Variants in HELB observed in about 807,000 individuals in gnomAD.
The protein encoded by HELB is DNA helicase B, also known as DNA 5'-3' helicase B.
A neutral mutation model predicts 101.7 loss-of-function variants in HELB; 96 were observed. The observed-to-expected ratio is 0.94, with a 90% CI of 0.80 to 1.12. The LOEUF is 1.12. Among genes scored for constraint, HELB ranks in the 50% most tolerant of loss-of-function variants. The probability of loss-of-function intolerance (pLI) is 0.00; values close to 1 mark genes in which losing one functional copy is unlikely to be tolerated. For synonymous variants in HELB, 437 were observed against 459.7 expected (o/e 0.95, Z 0.63); for missense variants, 1,210 against 1,291.9 (o/e 0.94, Z 0.97).
rs983442283 is a variant in HELB, at chr12:66,309,613, C to T, written c.778-93C>T. 151 of 803,722 alleles carry T rather than the reference C, an allele frequency of 1.9e-4. 1 individual carries two copies. The highest frequency in any genetic ancestry group is 2.8e-4 in the Non-Finnish European group (148 of 533,630). The allele number at this position is 803,722 out of a possible 1,614,324, so 49.8% of individuals were successfully genotyped here. Reference sequence around the variant, plus strand: ...ATTTTCTGTAAATTTTGTTGAAGTTCATGTCTTCTGGGATTTAAAAAATTA... The same window carrying T: ...ATTTTCTGTAAATTTTGTTGAAGTTTATGTCTTCTGGGATTTAAAAAATTA... On this transcript the variant is annotated intron_variant, in intron 3 of 12. Transcript: ENST00000247815.
At chr12:66,327,256 A>T (rs963942192) in intron 11 of HELB, among the ~76,000 whole-genome samples, 20 of 151,572 alleles carry the variant, frequency 1.3e-4, no homozygotes, top group Non-Finnish European at 2.4e-4. Flanking sequence ...AAAGTGTAAT[A>T]TTTCTGGCTC....
downstream of HELB, chr12:66,338,386 A>C: frequency 4.3e-6 from 1 of 233,028 alleles, no homozygotes; most frequent in Non-Finnish European, 8.3e-6. Flanking sequence ...TCATGCCTGT[A>C]ATCCCAGCAC....
At position 66,310,344 on chromosome 12, in the gene HELB, C is replaced by T; in HGVS notation, c.1416C>T (p.Val472=). Residue 472 remains valine (V), a synonymous_variant, in exon 4 of 13, where the codon GTC becomes GTT. Coordinates refer to ENST00000247815, the MANE Select transcript of HELB (RefSeq NM_001370285.1). ...TGATTTGCTCCAATCCTGTGACAGTCATAAGTGGGAAAGGTGGATGTGGGA... is the reference window on the plus strand; with the variant it reads ...TGATTTGCTCCAATCCTGTGACAGTTATAAGTGGGAAAGGTGGATGTGGGA... ...LEMICSNPVT[V]ISGKGGCGKT... 2.5e-6 allele frequency: 4 copies of T among 1,614,128 alleles called. No homozygotes were observed. Among genetic ancestry groups the T allele is most frequent in the Non-Finnish European group, 3.4e-6 (4 of 1,180,030 alleles).
At chr12:66,316,098 A>C (rs1324044927) in intron 6 of HELB, among the ~76,000 whole-genome samples, 1 of 152,188 alleles carries the variant, frequency 6.6e-6, no homozygotes, top group Non-Finnish European at 1.5e-5. Context: ...TTACATACAC[A>C]CAAATACTTA....
downstream of HELB, chr12:66,341,764 G>A (rs991498336): frequency 3.3e-5 from 5 of 152,120 alleles, no homozygotes; most frequent in African/African-American, 9.7e-5. Flanking sequence ...TTCTGGTGAT[G>A]GTGAGTTCTC....
intron 7 of HELB, among the ~76,000 whole-genome samples, chr12:66,319,490 G>T (rs1042246529): frequency 6.6e-6 from 1 of 152,184 alleles, no homozygotes; most frequent in African/African-American, 2.4e-5. Context: ...TCAGTTTGTT[G>T]TGACTAATAG....
rs531121442 is a variant in HELB, at chr12:66,324,613, T to G, written c.2527-370T>G. Reference sequence around the variant, plus strand: ...TATAGAAGTGGTTGCCTTGTATTTGTTCTCACAGTGTAGATACCCTCACTG... The same window carrying G: ...TATAGAAGTGGTTGCCTTGTATTTGGTCTCACAGTGTAGATACCCTCACTG... On this transcript the variant is annotated intron_variant, in intron 10 of 12. Coordinates refer to ENST00000247815, the MANE Select transcript of HELB (RefSeq NM_001370285.1). 6 of 264,456 alleles carry G rather than the reference T, an allele frequency of 2.3e-5. No individual in the cohort carries two copies. The South Asian group carries it at 3.1e-4, about 14-fold the overall frequency. The allele number at this position is 264,456 out of a possible 1,614,324, so 16.4% of individuals were successfully genotyped here.
At position 66,324,089 on chromosome 12, in the gene HELB, A is replaced by G. The variant is rs1287004582; in HGVS notation, c.2404A>G (p.Asn802Asp). ...LPENISGSQQ[N>D]NDLDASSEDF... Reference sequence around the variant, plus strand: ...TGAAAATATCTCTGGAAGTCAGCAAAATAATGATCTAGATGCCAGTAGTGA... The same window carrying G: ...TGAAAATATCTCTGGAAGTCAGCAAGATAATGATCTAGATGCCAGTAGTGA... The change falls in exon 10 of 13, where the codon AAT (asparagine) becomes GAT (aspartate). Residue 802 changes from asparagine to aspartate, a missense_variant. Asn to Asp is a conservative substitution (Grantham distance 23). Transcript: ENST00000247815. 4 of 1,613,700 alleles carry G rather than the reference A, an allele frequency of 2.5e-6. No homozygotes were observed. Among genetic ancestry groups the G allele is most frequent in the Non-Finnish European group, 3.4e-6 (4 of 1,179,794 alleles).
Position 66,314,016 on chromosome 12 carries a change from A to G in HELB, c.1711A>G (p.Thr571Ala). 6.2e-7 allele frequency: 1 copy of G among 1,613,882 alleles called. No individual in the cohort carries two copies. The highest frequency in any genetic ancestry group is 8.5e-7 in the Non-Finnish European group (1 of 1,179,800). Residue 571 changes from threonine (T) to alanine (A), a missense_variant, in exon 5 of 13, where the codon ACA (threonine) becomes GCA (alanine). By Grantham distance (58) the Thr-to-Ala change is moderately conservative (BLOSUM62 0). Coordinates refer to ENST00000247815, the MANE Select transcript of HELB (RefSeq NM_001370285.1). ...TTATAGCTTCTATTCATGGACTCAAACAATGATGACCACAAACAAACCATG... is the reference window on the plus strand; with the variant it reads ...TTATAGCTTCTATTCATGGACTCAAGCAATGATGACCACAAACAAACCATG... The part of the protein sequence containing the change: ...VNYSFYSWTQ[T>A]MMTTNKPWKF...
intron 11 of HELB, among the ~76,000 whole-genome samples, chr12:66,330,480 T>A (rs988754541): frequency 6.6e-6 from 1 of 151,312 alleles, no homozygotes; most frequent in African/African-American, 2.4e-5. Context: ...GTTCTTTTTT[T>A]ATATACTTGT....
intron 11 of HELB, among the ~76,000 whole-genome samples, chr12:66,329,811 T>G (rs1208485085): frequency 6.6e-6 from 1 of 152,170 alleles, no homozygotes; most frequent in Non-Finnish European, 1.5e-5. Context: ...CTAGGTTAGC[T>G]GAGTTTAGGT....
rs1474963728 is a variant in HELB, at chr12:66,309,875, A to G, written c.947A>G (p.Asn316Ser). ...GATGGGCACACATATGTTGAAGTGA[A>G]TGACTTAACTTTGACATTGTCAAAT... The part of the protein sequence containing the change: ...REDGHTYVEV[N>S]DLTLTLSNHM... Residue 316 changes from asparagine to serine, a missense_variant, in exon 4 of 13, where the codon AAT becomes AGT. Physicochemically the swap from Asn to Ser is conservative, Grantham distance 46. Around this residue, in one of 2 missense-constraint regions of HELB, gnomAD observed 470 missense variants for 563.1 expected, o/e 0.83. Transcript: ENST00000247815. The G allele has an allele frequency of 6.8e-6, 11 of 1,614,060 alleles. No homozygotes were observed. The highest frequency in any genetic ancestry group is 1.3e-5 in the African/African-American group (1 of 74,932).
chr12:66,318,844 T>C (rs1469438498), intron 7 of HELB, 52 bp downstream of exon 7: 4 of 1,382,626 alleles, frequency 2.9e-6, no homozygotes, highest in Non-Finnish European at 3.9e-6. Context: ...ATTTAAGTTT[T>C]GTAACATAGT....
At position 66,331,241 on chromosome 12, in the gene HELB, C is replaced by G; in HGVS notation, c.2758C>G (p.Arg920Gly). Reference sequence around the variant, plus strand: ...TGTCTACACCGCCGTGACCAGGGGCCGCTGCCGAGTGTATGTGATTGCAGA... The same window carrying G: ...TGTCTACACCGCCGTGACCAGGGGCGGCTGCCGAGTGTATGTGATTGCAGA... The part of the protein sequence containing the change: ...QHVYTAVTRG[R>G]CRVYVIAEES... The change falls in exon 12 of 13, where the codon CGC (arginine) becomes GGC (glycine). Residue 920 changes from arginine (R) to glycine (G), a missense_variant. By Grantham distance (125) the Arg-to-Gly change is moderately radical. Coordinates refer to ENST00000247815, the MANE Select transcript of HELB (RefSeq NM_001370285.1). The G allele has an allele frequency of 6.2e-7, 1 of 1,614,180 alleles. No individual in the cohort carries two copies. The highest frequency in any genetic ancestry group is 8.5e-7 in the Non-Finnish European group (1 of 1,180,028).
intron 12 of HELB, among the ~76,000 whole-genome samples, chr12:66,336,457 T>C (rs1278180519): frequency 6.6e-6 from 1 of 152,160 alleles, no homozygotes; most frequent in Non-Finnish European, 1.5e-5. Flanking sequence ...GTGTAAGAAT[T>C]GCTTTAAGTG....
chr12:66,325,024 C>G lies in HELB; in HGVS notation c.2568C>G (p.Thr856=). Residue 856 remains threonine, a synonymous_variant, in exon 11 of 13, where the codon ACC becomes ACG. Coordinates refer to ENST00000247815, the MANE Select transcript of HELB (RefSeq NM_001370285.1). ...DVTFGKRRSL[T]INNMAGLEVT... Reference sequence around the variant, plus strand: ...CTTTTGGAAAGAGAAGATCTTTGACCATTAATAATATGGCTGGCCTGGAAG... The same window carrying G: ...CTTTTGGAAAGAGAAGATCTTTGACGATTAATAATATGGCTGGCCTGGAAG... 2 of 1,612,676 alleles carry G rather than the reference C, an allele frequency of 1.2e-6. No individual in the cohort carries two copies. Among genetic ancestry groups the G allele is most frequent in the Non-Finnish European group, 1.7e-6 (2 of 1,178,808 alleles).
At chr12:66,335,202 T>C (rs2053853541) in intron 12 of HELB, among the ~76,000 whole-genome samples, 1 of 152,172 alleles carries the variant, frequency 6.6e-6, no homozygotes, top group Admixed American at 6.5e-5. Context: ...TAGAGGAGTT[T>C]AGAGCCTCAG....
Position 66,305,056 on chromosome 12 carries a change from G to A in HELB, c.513G>A (p.Lys171=), listed in dbSNP as rs771817266. The A allele has an allele frequency of 2.5e-6, 4 of 1,612,050 alleles. No individual in the cohort carries two copies. The African/African-American group carries it at 5.4e-5, about 22-fold the overall frequency. The change falls in exon 2 of 13, where the codon AAG becomes AAA. Residue 171 remains lysine, a synonymous_variant. Transcript: ENST00000247815. ...NLRETLRTFH[K]ETGRKDQKQP... ...GGGAAACACTAAGAACTTTCCACAA[G>A]GAAACTGGAAGGAAAGATCAAAAGC...
chr12:66,302,819 G>A, intron 1 of HELB, 29 bp downstream of exon 1: 1 of 1,568,870 alleles, frequency 6.4e-7, no homozygotes, highest in South Asian at 1.1e-5. Context: ...CGGGGGATGG[G>A]GTTGGAGGGT....
Sources: gnomAD v4.1 joint callset for allele counts (sites outside exome capture counted in the v4.1 genomes callset) on GRCh38, gnomAD v4.1.1 for gene constraint, gnomAD v4.1.1 regional missense constraint, MANE v1.5 for transcripts, NCBI Gene and HGNC (gene_info 2026-07-23, HGNC 2026-07-21) for gene names.